Variants in TMEM65 observed in about 807,000 individuals in gnomAD.
TMEM65 encodes transmembrane protein 65.
In TMEM65, 22 loss-of-function variants were observed where a neutral mutation model predicts 25.4. The ratio of observed to expected loss-of-function variants is 0.86; its 90% CI spans 0.62 to 1.23. The LOEUF (loss-of-function observed/expected upper bound fraction) is 1.23, where lower values mean the gene tolerates loss of function less well. TMEM65 is among the 50% of genes most tolerant of loss of function. The pLI is 0.00. For missense variants in TMEM65, 262 were observed against 308.2 expected (o/e 0.85, Z 1.12); for synonymous variants, 132 against 126.2 (o/e 1.05, Z -0.31).
chr8:124,334,112 A>C (rs1023098719), intron 1 of TMEM65, among the ~76,000 whole-genome samples: 1 of 152,220 alleles, frequency 6.6e-6, no homozygotes, highest in Non-Finnish European at 1.5e-5. Context: ...CTAACCATTA[A>C]ATGCCTGCTA....
At chr8:124,359,761 A>T (rs1814836344) in intron 1 of TMEM65, among the ~76,000 whole-genome samples, 1 of 152,132 alleles carries the variant, frequency 6.6e-6, no homozygotes, top group Non-Finnish European at 1.5e-5. Context: ...AAGGAAAAAG[A>T]CTATAAAGGG....
intron 1 of TMEM65, among the ~76,000 whole-genome samples, chr8:124,352,734 T>C (rs1335257865): frequency 6.6e-6 from 1 of 151,974 alleles, no homozygotes; most frequent in Non-Finnish European, 1.5e-5. Context: ...GGCATCTGTA[T>C]AGGAGGCAGG....
chr8:124,323,423 T>C, intron 3 of TMEM65, 48 bp from the exon 4 acceptor site: 1 of 998,186 alleles, frequency 1.0e-6, no homozygotes, highest in Non-Finnish European at 1.5e-6. Flanking sequence ...CTGAAGTGAC[T>C]ATAAAAGAAT....
chr8:124,322,062 C>T (rs755770876), intron 5 of TMEM65, 43 bp downstream of exon 5: 18 of 1,414,358 alleles, frequency 1.3e-5, no homozygotes, highest in Middle Eastern at 3.6e-4. Context: ...AACAGAAAGA[C>T]AGCAAGTACA....
rs186951536 is a variant in TMEM65, at chr8:124,353,818, G to A, written c.304+18036C>T. ...TGATAGTAATGAATTATAATCTACT[G>A]AATAGAATATATTGATATAAATTGC... On this transcript the variant is annotated intron_variant, in intron 1 of 6. Coordinates refer to ENST00000297632, the MANE Select transcript of TMEM65 (RefSeq NM_194291.3). 5.9e-4 allele frequency among the ~76,000 whole-genome samples: 90 copies of A among 152,264 alleles called. 1 individual carries two copies. Among genetic ancestry groups the A allele is most frequent in the Non-Finnish European group, 1.0e-3 (71 of 68,030 alleles).
At chr8:124,347,438 AAGAGGCAAGAG>A (rs563664926) in intron 1 of TMEM65, among the ~76,000 whole-genome samples, 13 of 152,160 alleles carry the variant, frequency 8.5e-5, no homozygotes, top group Admixed American at 2.6e-4. Context: ...CTTAGAATGG[AAGAGGCAAGAG>A]AAAGGCAAGG....
chr8:124,328,702 C>G (rs1366740890), intron 2 of TMEM65, among the ~76,000 whole-genome samples: 1 of 152,004 alleles, frequency 6.6e-6, no homozygotes. Flanking sequence ...GAGGACTTTT[C>G]TCAACAAACA....
At chr8:124,317,783 T>C (rs1022442571) in intron 6 of TMEM65, among the ~76,000 whole-genome samples, 3 of 152,190 alleles carry the variant, frequency 2.0e-5, no homozygotes, top group African/African-American at 7.2e-5. Flanking sequence ...CTTGCCATCC[T>C]GCCAGCAGAC....
chr8:124,349,709 A>G (rs1387474267), intron 1 of TMEM65, among the ~76,000 whole-genome samples: 1 of 152,138 alleles, frequency 6.6e-6, no homozygotes, highest in African/African-American at 2.4e-5. Flanking sequence ...CAAGAGATGT[A>G]CCACCTAAAC....
At chr8:124,336,629 A>G (rs1814510517) in intron 1 of TMEM65, among the ~76,000 whole-genome samples, 1 of 152,058 alleles carries the variant, frequency 6.6e-6, no homozygotes, top group Non-Finnish European at 1.5e-5. Context: ...CAAACTGAGT[A>G]ACAATGAAAA....
intron 1 of TMEM65, among the ~76,000 whole-genome samples, chr8:124,336,577 A>G (rs1196773743): frequency 6.6e-6 from 1 of 152,030 alleles, no homozygotes; most frequent in East Asian, 1.9e-4. Flanking sequence ...TTCTAAATAC[A>G]TGGACCAAAG....
chr8:124,323,322 T>C lies in TMEM65; in HGVS notation c.471A>G (p.Ala157=). The change falls in exon 4 of 7, where the codon GCA becomes GCG. Residue 157 remains alanine, a splice_region_variant and synonymous_variant. Coordinates refer to ENST00000297632, the MANE Select transcript of TMEM65 (RefSeq NM_194291.3). The part of the protein sequence containing the change: ...IGIILGISTM[A]AAALGNLVSD... ...ATAACATTTACTACTGTTAAATACC[T>C]GCCATAGTTGAAATTCCCAAAATAA... is the stretch of plus-strand genomic sequence containing the variant. 1 of 1,472,908 alleles carries C rather than the reference T, an allele frequency of 6.8e-7. No homozygotes were observed. The allele number at this position is 1,472,908 out of a possible 1,614,324, so 91.2% of individuals were successfully genotyped here.
chr8:124,334,902 G>A (rs1292995586), intron 1 of TMEM65, among the ~76,000 whole-genome samples: 1 of 151,458 alleles, frequency 6.6e-6, no homozygotes, highest in African/African-American at 2.4e-5. Flanking sequence ...CTGAACAACA[G>A]AGACTGAAAG....
intron 1 of TMEM65, among the ~76,000 whole-genome samples, chr8:124,339,363 AGC>A (rs1488707959): frequency 4.8e-5 from 6 of 124,456 alleles, no homozygotes; most frequent in African/African-American, 1.8e-4. Context: ...CACAAGCTAT[AGC>A]AAAAAAGTTA....
At chr8:124,352,960 A>G (rs1814731324) in intron 1 of TMEM65, among the ~76,000 whole-genome samples, 2 of 151,982 alleles carry the variant, frequency 1.3e-5, no homozygotes, top group African/African-American at 4.8e-5. Context: ...AACACCGTCT[A>G]TACAAAAAAT....
chr8:124,318,127 G>A (rs1334966308), intron 6 of TMEM65, among the ~76,000 whole-genome samples: 1 of 152,066 alleles, frequency 6.6e-6, no homozygotes, highest in East Asian at 1.9e-4. Flanking sequence ...CAGGACATGA[G>A]AGTGCAACAG....
chr8:124,320,936 T>G (rs780498598), intron 5 of TMEM65, among the ~76,000 whole-genome samples: 3 of 152,130 alleles, frequency 2.0e-5, no homozygotes, highest in Non-Finnish European at 4.4e-5. Context: ...AATCTTCATC[T>G]CTAAACAAAA....
chr8:124,353,190 T>C (rs1388187013), intron 1 of TMEM65, among the ~76,000 whole-genome samples: 3 of 151,718 alleles, frequency 2.0e-5, no homozygotes, highest in African/African-American at 4.8e-5. Context: ...GGGGAAGGGA[T>C]TGTGGCTCAG....
At chr8:124,329,184 G>T (rs563179537) in intron 2 of TMEM65, among the ~76,000 whole-genome samples, 1 of 151,810 alleles carries the variant, frequency 6.6e-6, no homozygotes, top group Non-Finnish European at 1.5e-5. Flanking sequence ...TTAATAAAAT[G>T]GGATTTTTTT....
Sources: allele counts gnomAD v4.1 joint callset (sites outside exome capture counted in the v4.1 genomes callset), GRCh38; gene constraint gnomAD v4.1.1; transcripts MANE v1.5; gene names NCBI Gene and HGNC (gene_info 2026-07-23, HGNC 2026-07-21).